COL4A5: variants seen among roughly 807,000 people sequenced by gnomAD.
COL4A5 encodes the protein collagen alpha-5(IV) chain.
A neutral mutation model predicts 130.2 loss-of-function variants in COL4A5; 26 were observed. The ratio of observed to expected loss-of-function variants is 0.20; its 90% confidence interval spans 0.15 to 0.28. COL4A5 has a LOEUF of 0.28. Among genes scored for constraint, COL4A5 ranks in the 10% least tolerant of loss-of-function variants. The pLI, the probability that COL4A5 is intolerant of heterozygous loss-of-function variation, is 1.00. For synonymous variants in COL4A5, 496 were observed against 439.6 expected (o/e 1.13, Z -1.60); for missense variants, 1,131 against 1,344.3 (o/e 0.84, Z 2.48).
At chrX:108,595,102 A>G (rs1442355783) in intron 21 of COL4A5, among the ~76,000 whole-genome samples, 7 of 111,651 alleles carry the variant, frequency 6.3e-5, no homozygotes, top group East Asian at 2.8e-4. Flanking sequence ...ATCTCAAGCT[A>G]TCTGCCTGCC....
At chrX:108,684,182 C>A (rs958530310) in intron 47 of COL4A5, among the ~76,000 whole-genome samples, 11 of 110,997 alleles carry the variant, frequency 9.9e-5, no homozygotes, top group African/African-American at 3.6e-4. Context: ...AAAATCAATA[C>A]CCTTATATCA....
chrX:108,694,536 C>A, intron 50 of COL4A5: 1 of 364,468 alleles, frequency 2.7e-6, no homozygotes, highest in Non-Finnish European at 4.9e-6. Context: ...TTGACTATAG[C>A]AAGTATGAAT....
intron 6 of COL4A5, among the ~76,000 whole-genome samples, chrX:108,570,319 G>T (rs2066044314): frequency 9.0e-6 from 1 of 111,464 alleles, no homozygotes; most frequent in African/African-American, 3.3e-5. Flanking sequence ...CTGGTTATTT[G>T]TTTATTTTTA....
intron 2 of COL4A5, among the ~76,000 whole-genome samples, chrX:108,540,625 A>T (rs2065523267): frequency 9.1e-6 from 1 of 110,410 alleles, no homozygotes; most frequent in African/African-American, 3.3e-5. Flanking sequence ...TTATTTTTGT[A>T]TTTTTAGTAG....
intron 1 of COL4A5, among the ~76,000 whole-genome samples, chrX:108,463,469 C>A (rs2064673661): frequency 9.0e-6 from 1 of 111,583 alleles, no homozygotes. Flanking sequence ...ACAGTTGACT[C>A]CATAGCTAAG....
chrX:108,563,584 T>C (rs1040881176), intron 3 of COL4A5, among the ~76,000 whole-genome samples: 12 of 111,901 alleles, frequency 1.1e-4, no homozygotes, highest in African/African-American at 3.6e-4. Context: ...GGAATGACTA[T>C]ATCAATATTT....
At position 108,684,561 on chromosome X, in the gene COL4A5, C is replaced by T. The variant is rs951846754; in HGVS notation, c.4217-1470C>T. 3.6e-5 allele frequency among the ~76,000 whole-genome samples: 4 copies of T among 112,079 alleles called. No homozygotes were observed. In the Admixed American group the frequency reaches 3.8e-4, roughly 11 times the overall value. ...TCTCAAGACTAAACCAGGAAGAAGT[C>T]GAATCCTTGAATAGGCCAATAAAAA... On this transcript the variant is annotated intron_variant, in intron 47 of 52. Coordinates refer to ENST00000328300, the MANE Select transcript of COL4A5 (RefSeq NM_033380.3).
intron 1 of COL4A5, among the ~76,000 whole-genome samples, chrX:108,500,666 A>T (rs934656462): frequency 1.8e-5 from 2 of 112,188 alleles, no homozygotes; most frequent in Non-Finnish European, 3.8e-5. Flanking sequence ...CTCAAGAAAT[A>T]CTGGAAAAAA....
chrX:108,528,135 C>T (rs1296130196), intron 1 of COL4A5, among the ~76,000 whole-genome samples: 2 of 111,893 alleles, frequency 1.8e-5, no homozygotes, highest in African/African-American at 6.5e-5. Flanking sequence ...GATATGCATG[C>T]TCAGCCCACT....
At chrX:108,542,156 C>T (rs915891183) in intron 2 of COL4A5, among the ~76,000 whole-genome samples, 8 of 111,328 alleles carry the variant, frequency 7.2e-5, no homozygotes, top group South Asian at 3.8e-4. Flanking sequence ...ATGTGCACAA[C>T]GTGCAGGTTT....
rs113352945 is a variant in COL4A5, at chrX:108,684,706, C to T, written c.4217-1325C>T. Among the ~76,000 whole-genome samples, 822 of 112,630 alleles carry T rather than the reference C, an allele frequency of 7.3e-3. 4 individuals carry two copies. Among genetic ancestry groups the T allele is most frequent in the East Asian group, 0.036 (129 of 3,547 alleles). On this transcript the variant is annotated intron_variant, in intron 47 of 52. Transcript: ENST00000328300. ...AGAGCTGATACCATTCCTTCTGAAA[C>T]TATTCCAAATGATAGAAAAAGAGGG...
intron 2 of COL4A5, among the ~76,000 whole-genome samples, chrX:108,541,415 G>C (rs1055768708): frequency 1.8e-5 from 2 of 112,237 alleles, no homozygotes; most frequent in South Asian, 3.7e-4. Context: ...AAAAAGAGGA[G>C]AGGCATCTGC....
chrX:108,467,446 T>G (rs1226684020), intron 1 of COL4A5, among the ~76,000 whole-genome samples: 3 of 111,757 alleles, frequency 2.7e-5, no homozygotes, highest in Non-Finnish European at 5.6e-5. Context: ...TCTTCCAGCT[T>G]TCTTTTACTT....
intron 1 of COL4A5, among the ~76,000 whole-genome samples, chrX:108,503,720 C>T (rs1356908635): frequency 1.8e-5 from 2 of 111,683 alleles, no homozygotes; most frequent in Non-Finnish European, 3.8e-5. Context: ...AAGATCTCTA[C>T]AAGGATAATG....
In COL4A5 at chrX:108,663,414, T is replaced by C. The variant is rs763436363; in HGVS notation, c.3374-2093T>C. Among the ~76,000 whole-genome samples the C allele has an allele frequency of 2.7e-5, 3 of 112,061 alleles. No homozygotes were observed. The East Asian group carries it at 8.4e-4, about 31-fold the overall frequency. On this transcript the variant is annotated intron_variant, in intron 37 of 52. Transcript: ENST00000328300. Reference sequence around the variant, plus strand: ...CCAAAATAAATGAAGAGATAGATCATACTTATGGAATGGAAGATCAAAATT... The same window carrying C: ...CCAAAATAAATGAAGAGATAGATCACACTTATGGAATGGAAGATCAAAATT...
intron 48 of COL4A5, among the ~76,000 whole-genome samples, chrX:108,686,379 C>T (rs1003121555): frequency 8.9e-6 from 1 of 112,491 alleles, no homozygotes; most frequent in Non-Finnish European, 1.9e-5. Context: ...CAAGCACTCA[C>T]TGTACTTACT....
intron 1 of COL4A5, among the ~76,000 whole-genome samples, chrX:108,473,633 A>ATTTTTTTTTTTTTTT (rs1203616884): frequency 2.9e-5 from 1 of 34,562 alleles, no homozygotes; most frequent in African/African-American, 1.1e-4. Context: ...ATATATATAT[A>ATTTTTTTTTTTTTTT]TTTTTTTTTT....
chrX:108,597,161 C>A, intron 23 of COL4A5, 93 bp downstream of exon 23: 1 of 848,222 alleles, frequency 1.2e-6, no homozygotes, highest in Non-Finnish European at 1.7e-6. Flanking sequence ...CACACATATA[C>A]AATTTAATTT....
At chrX:108,687,458 A>G in intron 48 of COL4A5, 24 bp from the exon 49 acceptor site, 1 of 1,167,025 alleles carries the variant, frequency 8.6e-7, no homozygotes, top group Non-Finnish European at 1.2e-6. Context: ...TTAATCTTGT[A>G]TACTGATTAT....
Sources: gnomAD v4.1 joint callset for allele counts (sites outside exome capture counted in the v4.1 genomes callset) on GRCh38, gnomAD v4.1.1 for gene constraint, MANE v1.5 for transcripts, NCBI Gene and HGNC (gene_info 2026-07-23, HGNC 2026-07-21) for gene names.